The following TTLL9 variants were observed in gnomAD, a reference collection of about 807,000 sequenced individuals.
TTLL9 encodes probable tubulin polyglutamylase TTLL9.
A neutral mutation model predicts 65.6 loss-of-function variants in TTLL9; 47 were observed. That is an observed-to-expected ratio of 0.72 (90% CI 0.57 to 0.91). The LOEUF is 0.91. Among genes scored for constraint, TTLL9 ranks in the 40% least tolerant of loss-of-function variants. TTLL9 has a pLI of 0.00. For missense variants in TTLL9, 537 were observed against 568.8 expected, an observed-to-expected ratio of 0.94 and a Z score of 0.57; for synonymous variants, 179 against 204.8, an observed-to-expected ratio of 0.87 and a Z score of 1.07.
intron 4 of TTLL9, chr20:31,901,442 G>T (rs536913841): frequency 3.9e-4 from 59 of 152,284 alleles, no homozygotes; most frequent in African/African-American, 1.1e-3. Flanking sequence ...TTGTTAAGAG[G>T]CAATTTGATG....
chr20:31,890,087 GCTTT>G (rs2063275393), intron 3 of TTLL9, among the ~76,000 whole-genome samples: 2 of 71,806 alleles, frequency 2.8e-5, no homozygotes, highest in Non-Finnish European at 2.8e-5. Context: ...TTGCTTTCTT[GCTTT>G]CTTTCCCTCC....
intron 3 of TTLL9, among the ~76,000 whole-genome samples, chr20:31,898,268 A>G (rs1568768342): frequency 1.3e-5 from 2 of 152,128 alleles, no homozygotes; most frequent in Non-Finnish European, 2.9e-5. Context: ...GGATACAATG[A>G]TCGTTATTTT....
At chr20:31,928,215 C>A (rs1243134113) in intron 10 of TTLL9, among the ~76,000 whole-genome samples, 1 of 152,118 alleles carries the variant, frequency 6.6e-6, no homozygotes. Flanking sequence ...AAGCCCTCTC[C>A]CGGGGCTAGT....
intron 2 of TTLL9, among the ~76,000 whole-genome samples, chr20:31,881,046 T>C (rs912696938): frequency 6.6e-6 from 1 of 151,200 alleles, no homozygotes; most frequent in Admixed American, 6.6e-5. Context: ...GACAGAGGAG[T>C]CTCTATGTTA....
At chr20:31,871,042 T>G (rs920690677) in intron 1 of TTLL9, 80 bp from the exon 2 acceptor site, 2 of 1,321,878 alleles carry the variant, frequency 1.5e-6, no homozygotes, top group African/African-American at 2.9e-5. Context: ...CCCACCCTCC[T>G]GTTCACTCAT....
At chr20:31,899,951 G>A (rs143949061) in intron 4 of TTLL9, among the ~76,000 whole-genome samples, 6,774 of 152,108 alleles carry the variant, frequency 0.045, 201 homozygotes, top group African/African-American at 0.07. Flanking sequence ...TAGTAGAGAC[G>A]AGATTTCACT....
In TTLL9 at chr20:31,929,885, T is replaced by G. The variant is rs141264111; in HGVS notation, c.748+3794T>G. 4.3e-4 allele frequency among the ~76,000 whole-genome samples: 66 copies of G among 152,242 alleles called. No homozygotes were observed. The East Asian group carries it at 0.011, about 26-fold the overall frequency. On this transcript the variant is annotated intron_variant, in intron 10 of 14. Coordinates refer to ENST00000535842, the MANE Select transcript of TTLL9 (RefSeq NM_001008409.5). ...GGCTCACGCCTGTAATCCTAGCACTTTGGGAGCTGAGGCGGTCAGATCACT... is the reference window on the plus strand; with the variant it reads ...GGCTCACGCCTGTAATCCTAGCACTGTGGGAGCTGAGGCGGTCAGATCACT...
Position 31,909,829 on chromosome 20 carries a change from CT to C in TTLL9, c.413del (p.Phe138SerfsTer16). On this transcript the variant is annotated frameshift_variant, in exon 6 of 15. Transcript: ENST00000535842. LOFTEE classifies it high-confidence loss of function. ...GAAAGCTGGAGGCAGCCAAGTGTGACTTCTTCCCCAAAACCTTTGAGATGCC... is the reference window on the plus strand; with the variant it reads ...GAAAGCTGGAGGCAGCCAAGTGTGACTCTTCCCCAAAACCTTTGAGATGCC... ...AGKLEAAKCD[F>X]FPKTFEMPCE... 6.2e-7 allele frequency: 1 copy of C among 1,614,148 alleles called. No individual in the cohort carries two copies. The highest frequency in any genetic ancestry group is 8.5e-7 in the Non-Finnish European group (1 of 1,180,008).
chr20:31,908,144 G>A (rs1180700132), intron 4 of TTLL9, among the ~76,000 whole-genome samples: 3 of 152,202 alleles, frequency 2.0e-5, no homozygotes, highest in Non-Finnish European at 2.9e-5. Flanking sequence ...TTTAGTGAGT[G>A]GAGAGTTTTG....
chr20:31,930,317 A>G lies in TTLL9; in HGVS notation c.749-3483A>G, dbSNP rs150897303. Among the ~76,000 whole-genome samples, 82 of 152,282 alleles carry G rather than the reference A, an allele frequency of 5.4e-4. 4 individuals carry two copies. In the East Asian group the frequency reaches 0.012, roughly 23 times the overall value. On this transcript the variant is annotated intron_variant, in intron 10 of 14. Transcript: ENST00000535842. The stretch of plus-strand genomic sequence containing the variant: ...ATATTCTGTGAGTTTTGAAGTTTTC[A>G]AAATGAAAAGATTTTTTAAATGCAA...
In TTLL9 at chr20:31,943,129, C is replaced by T. The variant is rs1600639813; in HGVS notation, c.*108C>T. On this transcript the variant is annotated 3_prime_UTR_variant, in exon 15 of 15. Coordinates refer to ENST00000535842, the MANE Select transcript of TTLL9 (RefSeq NM_001008409.5). ...ACAGCATTCGCCTCCCCACCTCCAGCCTGGCACCAGCTTTGCTGGCTTAGC... is the reference window on the plus strand; with the variant it reads ...ACAGCATTCGCCTCCCCACCTCCAGTCTGGCACCAGCTTTGCTGGCTTAGC... 2.8e-6 allele frequency: 3 copies of T among 1,061,728 alleles called. No individual in the cohort carries two copies. Among genetic ancestry groups the T allele is most frequent in the East Asian group, 2.4e-5 (1 of 41,594 alleles). 65.8% of individuals were successfully genotyped at this position (1,061,728 alleles called of 1,614,324 possible).
chr20:31,934,994 G>C, intron 12 of TTLL9, 106 bp downstream of exon 12: 1 of 1,109,652 alleles, frequency 9.0e-7, no homozygotes, highest in Non-Finnish European at 1.3e-6. Flanking sequence ...GTATAACCTT[G>C]TGCACACTTA....
In TTLL9 at chr20:31,873,836, G is replaced by GAAAAAGAAAGAAAGAAAC. The variant is rs1379737193; in HGVS notation, c.69+2644_69+2645insAAGAAAGAAAGAAACAAA. Among the ~76,000 whole-genome samples the GAAAAAGAAAGAAAGAAAC allele has an allele frequency of 3.6e-5, 4 of 110,924 alleles. 1 individual carries two copies. The highest frequency in any genetic ancestry group is 7.8e-5 in the Non-Finnish European group (4 of 51,548). The allele number at this position is 110,924 out of a possible 152,430, so 72.8% of individuals were successfully genotyped here. On this transcript the variant is annotated intron_variant, in intron 2 of 14. Coordinates refer to ENST00000535842, the MANE Select transcript of TTLL9 (RefSeq NM_001008409.5). Reference sequence around the variant, plus strand: ...AGGAAGGAAGGAAGAAAGAAAGAAAGAAAGAAAGAAAGAAAGAAAGAAAGA... The same window carrying GAAAAAGAAAGAAAGAAAC: ...AGGAAGGAAGGAAGAAAGAAAGAAAGAAAAAGAAAGAAAGAAACAAAGAAAGAAAGAAAGAAAGAAAGA...
chr20:31,937,651 A>T (rs887754157), intron 13 of TTLL9, 142 bp downstream of exon 13: 77 of 632,794 alleles, frequency 1.2e-4, no homozygotes, highest in Non-Finnish European at 2.0e-4. Flanking sequence ...ATAGATGGAG[A>T]AGCTGAGATG....
chr20:31,909,003 G>T (rs546472435), intron 5 of TTLL9, among the ~76,000 whole-genome samples: 2 of 152,002 alleles, frequency 1.3e-5, no homozygotes, highest in Non-Finnish European at 2.9e-5. Context: ...TGATTTCAGG[G>T]TGGAGGCAAG....
At chr20:31,910,589 C>T (rs985347738) in intron 6 of TTLL9, among the ~76,000 whole-genome samples, 1 of 152,216 alleles carries the variant, frequency 6.6e-6, no homozygotes, top group African/African-American at 2.4e-5. Context: ...TGTGTGGCCT[C>T]AGGCAGCTTA....
intron 2 of TTLL9, among the ~76,000 whole-genome samples, chr20:31,874,699 C>T (rs554260427): frequency 5.9e-5 from 9 of 152,208 alleles, no homozygotes; most frequent in African/African-American, 9.6e-5. Flanking sequence ...CGTGAGCCAC[C>T]GCGCCCAGCC....
intron 2 of TTLL9, among the ~76,000 whole-genome samples, chr20:31,881,874 C>G (rs908243583): frequency 6.6e-6 from 1 of 152,168 alleles, no homozygotes. Flanking sequence ...GCAGTCTACA[C>G]TGTGAATATA....
intron 12 of TTLL9, 150 bp from the exon 13 acceptor site, chr20:31,937,245 TA>T: frequency 1.9e-6 from 1 of 520,480 alleles, no homozygotes. Flanking sequence ...CCTATCTCTA[TA>T]AAAATAATTA....
Sources: allele counts gnomAD v4.1 joint callset (sites outside exome capture counted in the v4.1 genomes callset), GRCh38; gene constraint gnomAD v4.1.1; transcripts MANE v1.5; gene names NCBI Gene and HGNC (gene_info 2026-07-23, HGNC 2026-07-21).